CNTNAP5: variants seen among roughly 807,000 people sequenced by gnomAD.
CNTNAP5 encodes contactin associated protein family member 5, also known as contactin-associated protein-like 5.
Under a neutral mutation model 150.2 loss-of-function variants are expected in CNTNAP5, and 72 were observed. The ratio of observed to expected loss-of-function variants is 0.48; its 90% CI spans 0.40 to 0.58. CNTNAP5 has a LOEUF of 0.58. CNTNAP5 is among the 20% of genes least tolerant of loss of function. CNTNAP5 has a pLI of 0.00. For missense variants in CNTNAP5, 1,636 were observed against 1,626.2 expected, an observed-to-expected ratio of 1.01 and a Z score of -0.10; for synonymous variants, 672 against 619.8, an observed-to-expected ratio of 1.08 and a Z score of -1.25.
chr2:124,464,915 A>C (rs573113948), intron 6 of CNTNAP5, among the ~76,000 whole-genome samples: 1 of 152,156 alleles, frequency 6.6e-6, no homozygotes, highest in African/African-American at 2.4e-5. Context: ...TCCTTTTTTT[A>C]TACCTGTTTC....
intron 22 of CNTNAP5, among the ~76,000 whole-genome samples, chr2:124,909,826 C>T (rs6721449): frequency 0.037 from 2,726 of 74,538 alleles, 206 homozygotes; most frequent in African/African-American, 0.14. Context: ...CAATTGGTGA[C>T]ATATATATAT....
intron 18 of CNTNAP5, among the ~76,000 whole-genome samples, chr2:124,791,324 A>G (rs982004207): frequency 2.0e-5 from 3 of 152,226 alleles, no homozygotes; most frequent in Admixed American, 2.0e-4. Flanking sequence ...GCTTCTTGGG[A>G]GAAAATTAAT....
chr2:124,531,403 G>T (rs571231218), intron 10 of CNTNAP5, among the ~76,000 whole-genome samples: 1 of 152,080 alleles, frequency 6.6e-6, no homozygotes, highest in South Asian at 2.1e-4. Context: ...TGTGGCCCAG[G>T]GTTTGAGGAC....
chr2:124,102,085 C>T (rs962878862), intron 1 of CNTNAP5, among the ~76,000 whole-genome samples: 2 of 152,098 alleles, frequency 1.3e-5, no homozygotes, highest in African/African-American at 4.8e-5. Flanking sequence ...ATAAACTGAA[C>T]TCCTAAATGC....
At chr2:124,264,930 C>T (rs975465639) in intron 3 of CNTNAP5, among the ~76,000 whole-genome samples, 8 of 152,158 alleles carry the variant, frequency 5.3e-5, no homozygotes, top group Non-Finnish European at 8.8e-5. Context: ...GGGCATGCGA[C>T]ATTTCCTTTT....
chr2:124,732,111 G>A (rs1462730849), intron 13 of CNTNAP5, among the ~76,000 whole-genome samples: 1 of 152,040 alleles, frequency 6.6e-6, no homozygotes, highest in Non-Finnish European at 1.5e-5. Context: ...AGGGATCAGT[G>A]TTATAGCTTT....
chr2:124,398,525 T>A (rs1342270746), intron 3 of CNTNAP5, among the ~76,000 whole-genome samples: 1 of 151,444 alleles, frequency 6.6e-6, no homozygotes, highest in East Asian at 1.9e-4. Context: ...AGATGAAGTT[T>A]TGCTCTTTTT....
At chr2:124,601,717 T>C (rs1453527892) in intron 11 of CNTNAP5, among the ~76,000 whole-genome samples, 2 of 152,220 alleles carry the variant, frequency 1.3e-5, no homozygotes, top group African/African-American at 4.8e-5. Context: ...TCTATAATTT[T>C]AAAAATACTA....
chr2:124,828,284 A>G (rs1452560122), intron 19 of CNTNAP5, among the ~76,000 whole-genome samples: 1 of 152,138 alleles, frequency 6.6e-6, no homozygotes, highest in Non-Finnish European at 1.5e-5. Flanking sequence ...GATCAAGACC[A>G]TCCTGGTTAA....
Position 124,514,085 on chromosome 2 carries a change from G to C in CNTNAP5, c.1327+9529G>C, listed in dbSNP as rs150533144. Among the ~76,000 whole-genome samples the C allele has an allele frequency of 3.4e-3, 523 of 152,328 alleles. 5 individuals carry two copies. Among genetic ancestry groups the C allele is most frequent in the Middle Eastern group, 0.031 (9 of 294 alleles). Reference sequence around the variant, plus strand: ...AGTGGATAGCCACAGGGCTGTGACTGTCACAACAAGCTGTCTGGTTTGAGT... The same window carrying C: ...AGTGGATAGCCACAGGGCTGTGACTCTCACAACAAGCTGTCTGGTTTGAGT... On this transcript the variant is annotated intron_variant, in intron 8 of 23. Transcript: ENST00000682447.
intron 3 of CNTNAP5, among the ~76,000 whole-genome samples, chr2:124,415,493 G>T (rs1046982939): frequency 6.6e-6 from 1 of 152,180 alleles, no homozygotes; most frequent in Non-Finnish European, 1.5e-5. Flanking sequence ...CAAGGTTAAG[G>T]TTAAGGTCTT....
chr2:124,054,214 A>G (rs1030153623), intron 1 of CNTNAP5, among the ~76,000 whole-genome samples: 1 of 152,026 alleles, frequency 6.6e-6, no homozygotes, highest in Non-Finnish European at 1.5e-5. Context: ...AACTATGTGC[A>G]CTTGGCTTTT....
chr2:124,293,959 A>T (rs1354296210), intron 3 of CNTNAP5, among the ~76,000 whole-genome samples: 2 of 152,172 alleles, frequency 1.3e-5, no homozygotes, highest in Non-Finnish European at 2.9e-5. Flanking sequence ...TAGGGACAAC[A>T]TGGATGTAGT....
chr2:124,033,061 G>C (rs1681108203), intron 1 of CNTNAP5, among the ~76,000 whole-genome samples: 1 of 152,100 alleles, frequency 6.6e-6, no homozygotes, highest in African/African-American at 2.4e-5. Context: ...GGGGAAGTTG[G>C]GTGTGCTACG....
At chr2:124,713,323 CTTTCTTTCTTT>C (rs1679871112) in intron 13 of CNTNAP5, among the ~76,000 whole-genome samples, 2 of 42,030 alleles carry the variant, frequency 4.8e-5, no homozygotes, top group South Asian at 1.1e-3. Context: ...TCTTTCCTTT[CTTTCTTTCTTT>C]CTTTCTTTCT....
intron 19 of CNTNAP5, among the ~76,000 whole-genome samples, chr2:124,834,240 A>T (rs1041736393): frequency 1.3e-5 from 2 of 152,130 alleles, no homozygotes; most frequent in Admixed American, 1.3e-4. Context: ...ACAAACTTCA[A>T]ATTTGAGTGG....
Position 124,838,940 on chromosome 2 carries a change from C to T in CNTNAP5, c.3218-26366C>T, listed in dbSNP as rs562980265. 1.3e-4 allele frequency among the ~76,000 whole-genome samples: 20 copies of T among 152,226 alleles called. No homozygotes were observed. The East Asian group carries it at 3.3e-3, about 25-fold the overall frequency. ...TACAAAGATGAATCAAACAGAATCT[C>T]TGTCTTCCCAGAGCTCACATTTGAT... On this transcript the variant is annotated intron_variant, in intron 19 of 23. Coordinates refer to ENST00000682447, the MANE Select transcript of CNTNAP5 (RefSeq NM_001367498.1).
chr2:124,285,884 A>G (rs1315313721), intron 3 of CNTNAP5, among the ~76,000 whole-genome samples: 1 of 152,174 alleles, frequency 6.6e-6, no homozygotes, highest in East Asian at 1.9e-4. Flanking sequence ...TCTTGTTGAC[A>G]CTGTCTCAAA....
intron 19 of CNTNAP5, among the ~76,000 whole-genome samples, chr2:124,862,208 A>G (rs2104716938): frequency 6.6e-6 from 1 of 152,342 alleles, no homozygotes; most frequent in South Asian, 2.1e-4. Flanking sequence ...CTCTGTTTAT[A>G]TGAACAAAAA....
Sources: gnomAD v4.1 joint callset for allele counts (sites outside exome capture counted in the v4.1 genomes callset) on GRCh38, gnomAD v4.1.1 for gene constraint, MANE v1.5 for transcripts, NCBI Gene and HGNC (gene_info 2026-07-23, HGNC 2026-07-21) for gene names.